Variants in ZFHX3 observed in about 807,000 individuals in gnomAD.
The protein encoded by ZFHX3 is zinc finger homeobox protein 3.
ZFHX3 carries 42 observed loss-of-function variants against 279.1 expected under a neutral mutation model. That is an observed-to-expected ratio of 0.15 (90% CI 0.12 to 0.19). ZFHX3 has a LOEUF of 0.19. ZFHX3 is among the 10% of genes least tolerant of loss of function. ZFHX3 has a pLI of 1.00. For missense variants in ZFHX3, 4,981 were observed against 4,754.0 expected (o/e 1.05, Z -1.40); for synonymous variants, 2,293 against 1,957.8 (o/e 1.17, Z -4.52).
chr16:73,443,851 C>T (rs1364147625), intron 3 of ZFHX3, among the ~76,000 whole-genome samples: 1 of 152,026 alleles, frequency 6.6e-6, no homozygotes, highest in East Asian at 1.9e-4. Flanking sequence ...ACCTCCTGGG[C>T]TCAGGTGATC....
At chr16:73,837,771 G>C (rs1163796353) in intron 1 of ZFHX3, among the ~76,000 whole-genome samples, 1 of 152,226 alleles carries the variant, frequency 6.6e-6, no homozygotes, top group Middle Eastern at 3.4e-3. Context: ...TGAGTAGCTG[G>C]GATTACAGGC....
chr16:73,612,263 C>A (rs1018791813), intron 2 of ZFHX3, among the ~76,000 whole-genome samples: 1 of 152,036 alleles, frequency 6.6e-6, no homozygotes, highest in Non-Finnish European at 1.5e-5. Flanking sequence ...AAAGAAAACT[C>A]AACCCCAAAA....
At chr16:73,628,283 T>G (rs900556058) in intron 2 of ZFHX3, among the ~76,000 whole-genome samples, 1 of 152,218 alleles carries the variant, frequency 6.6e-6, no homozygotes, top group African/African-American at 2.4e-5. Context: ...CTTTTCAAAT[T>G]CTTCCCTTAA....
chr16:73,729,941 A>G (rs1336625795), intron 1 of ZFHX3, among the ~76,000 whole-genome samples: 6 of 152,176 alleles, frequency 3.9e-5, no homozygotes, highest in Non-Finnish European at 7.3e-5. Context: ...TAGACTAAAT[A>G]ATATTCAGAA....
chr16:73,695,551 T>G (rs929643111), intron 1 of ZFHX3, among the ~76,000 whole-genome samples: 1 of 152,200 alleles, frequency 6.6e-6, no homozygotes. Flanking sequence ...TTTCTGGCGT[T>G]GAGTCCAGGT....
At chr16:73,319,015 C>G (rs977588884) in intron 3 of ZFHX3, among the ~76,000 whole-genome samples, 1 of 151,678 alleles carries the variant, frequency 6.6e-6, no homozygotes, top group African/African-American at 2.4e-5. Flanking sequence ...TCGGCCCACA[C>G]GCAGCCTGGC....
intron 4 of ZFHX3, among the ~76,000 whole-genome samples, chr16:72,850,654 T>C (rs200797462): frequency 8.3e-3 from 1 of 120 alleles, no homozygotes; most frequent in South Asian, 0.17. Context: ...GAGGCCGGGC[T>C]CGCCAGGCCC....
At chr16:73,863,150 G>A (rs1961925129) in intron 1 of ZFHX3, among the ~76,000 whole-genome samples, 1 of 152,212 alleles carries the variant, frequency 6.6e-6, no homozygotes, top group African/African-American at 2.4e-5. Context: ...AGGTTGCAGT[G>A]AGCGGAGATC....
At chr16:73,747,056 G>T (rs1009742666) in intron 1 of ZFHX3, among the ~76,000 whole-genome samples, 5 of 152,160 alleles carry the variant, frequency 3.3e-5, no homozygotes, top group African/African-American at 4.8e-5. Flanking sequence ...AAGTAGATCT[G>T]CTCTGCTACT....
chr16:73,789,319 T>A (rs571021974), intron 1 of ZFHX3, among the ~76,000 whole-genome samples: 1 of 152,168 alleles, frequency 6.6e-6, no homozygotes, highest in Admixed American at 6.5e-5. Context: ...TAGCTGGGAC[T>A]ACAGGTGCAT....
At position 73,808,743 on chromosome 16, in the gene ZFHX3, G is replaced by C. The variant is rs564269902; in HGVS notation, c.-1608+82908C>G. On this transcript the variant is annotated intron_variant, in intron 1 of 17. Coordinates refer to the ZFHX3 transcript ENST00000641206. ...GGGGAGGGGAAAGAGGCAGAGGCTT[G>C]AGTTTCCAGAGCTAGAGGAACAACT... 5.3e-5 allele frequency among the ~76,000 whole-genome samples: 8 copies of C among 152,222 alleles called. No individual in the cohort carries two copies. In the South Asian group the frequency reaches 1.7e-3, roughly 32 times the overall value.
intron 2 of ZFHX3, among the ~76,000 whole-genome samples, chr16:73,469,084 CT>C (rs2143597944): frequency 6.6e-6 from 1 of 152,350 alleles, no homozygotes; most frequent in Admixed American, 6.5e-5. Context: ...GTAGAGGCCA[CT>C]GTTAAAATGC....
intron 2 of ZFHX3, among the ~76,000 whole-genome samples, chr16:73,492,776 C>G (rs1308972212): frequency 1.3e-5 from 2 of 152,330 alleles, no homozygotes; most frequent in South Asian, 2.1e-4. Context: ...CATTAAACAA[C>G]TGCAGTTTGT....
intron 5 of ZFHX3, among the ~76,000 whole-genome samples, chr16:73,202,043 A>AT (rs768356862): frequency 7.9e-5 from 12 of 151,544 alleles, no homozygotes; most frequent in African/African-American, 2.2e-4. Flanking sequence ...TGGGAAGAAC[A>AT]TTTTTTTTTA....
rs1335399420 is a variant in ZFHX3, at chr16:73,439,921, AAAAAAAAAAAACAC to A, written c.-1291+16068_-1291+16081del. 9.4e-3 allele frequency among the ~76,000 whole-genome samples: 1,392 copies of A among 148,454 alleles called. 24 individuals carry two copies. The highest frequency in any genetic ancestry group is 0.034 in the African/African-American group (1,324 of 38,644). ...AAGGGGAGAGGGACAAAAAAAAAAA[AAAAAAAAAAAACAC>A]AAAAAAAAAAACAAGGAGAAGGGCC... On this transcript the variant is annotated intron_variant, in intron 3 of 17. Transcript: ENST00000641206.
chr16:73,529,168 G>A (rs1048472346), intron 2 of ZFHX3, among the ~76,000 whole-genome samples: 4 of 152,148 alleles, frequency 2.6e-5, no homozygotes, highest in Admixed American at 2.0e-4. Context: ...CTGGACGTTG[G>A]TCAGTCCTGT....
At chr16:72,899,099 G>C (rs1427193243) in intron 3 of ZFHX3, among the ~76,000 whole-genome samples, 1 of 152,198 alleles carries the variant, frequency 6.6e-6, no homozygotes, top group Non-Finnish European at 1.5e-5. Flanking sequence ...TTCTTCATTT[G>C]TAAGATGTAC....
In ZFHX3 at chr16:72,953,334, G is replaced by A. The variant is rs1367705644; in HGVS notation, c.2720-2369C>T. On this transcript the variant is annotated intron_variant, in intron 2 of 9. Coordinates refer to ENST00000268489, the MANE Select transcript of ZFHX3 (RefSeq NM_006885.4). Reference sequence around the variant, plus strand: ...AAGCCTAAAAGCTCCATCCCTTAACGGGGACGAAGGCCAGGCAACATCCAG... The same window carrying A: ...AAGCCTAAAAGCTCCATCCCTTAACAGGGACGAAGGCCAGGCAACATCCAG... 4.0e-5 allele frequency among the ~76,000 whole-genome samples: 6 copies of A among 151,618 alleles called. 1 individual carries two copies. The highest frequency in any genetic ancestry group is 7.3e-5 in the African/African-American group (3 of 41,296).
chr16:72,831,095 T>C (rs975840004), intron 4 of ZFHX3, among the ~76,000 whole-genome samples: 1 of 152,222 alleles, frequency 6.6e-6, no homozygotes, highest in African/African-American at 2.4e-5. Context: ...CCAATGCTAC[T>C]TTTCCATTTT....
Sources: allele counts gnomAD v4.1 joint callset (sites outside exome capture counted in the v4.1 genomes callset), GRCh38; gene constraint gnomAD v4.1.1; transcripts MANE v1.5; gene names NCBI Gene and HGNC (gene_info 2026-07-23, HGNC 2026-07-21).